Variants in PDCD1LG2 observed in about 807,000 individuals in gnomAD.
PDCD1LG2 encodes programmed cell death 1 ligand 2, also known as B7 dendritic cell molecule.
In PDCD1LG2, 32 loss-of-function variants were observed where a neutral mutation model predicts 28.2. That is an observed-to-expected ratio of 1.13 (90% confidence interval 0.86 to 1.52). PDCD1LG2 has a LOEUF of 1.52. PDCD1LG2 is among the 40% of genes most tolerant of loss of function. PDCD1LG2 has a pLI of 0.00. For missense variants in PDCD1LG2, 385 were observed against 323.8 expected (o/e 1.19, Z -1.45); for synonymous variants, 116 against 120.2 (o/e 0.97, Z 0.23).
In PDCD1LG2 at chr9:5,557,512, C is replaced by T. The variant is rs1816468857; in HGVS notation, c.632-106C>T. On this transcript the variant is annotated intron_variant, in intron 4 of 6. Coordinates refer to ENST00000397747, the MANE Select transcript of PDCD1LG2 (RefSeq NM_025239.4). Reference sequence around the variant, plus strand: ...AATAGGGCCTGGTGTGGAGTAAATGCTCCACAGAGCTAGCCGTGTTGGCTG... The same window carrying T: ...AATAGGGCCTGGTGTGGAGTAAATGTTCCACAGAGCTAGCCGTGTTGGCTG... The T allele has an allele frequency of 1.4e-5, 18 of 1,324,314 alleles. No individual in the cohort carries two copies. The East Asian group carries it at 2.3e-4, about 17-fold the overall frequency. The allele number at this position is 1,324,314 out of a possible 1,614,324, so 82.0% of individuals were successfully genotyped here.
intron 2 of PDCD1LG2, among the ~76,000 whole-genome samples, chr9:5,526,739 G>C (rs1459396030): frequency 6.6e-6 from 1 of 152,078 alleles, no homozygotes; most frequent in East Asian, 1.9e-4. Flanking sequence ...CTCTCAGCCT[G>C]CCCTTTATTT....
chr9:5,525,705 A>G (rs1250002919), intron 2 of PDCD1LG2, among the ~76,000 whole-genome samples: 1 of 152,140 alleles, frequency 6.6e-6, no homozygotes, highest in South Asian at 2.1e-4. Flanking sequence ...CCTTTTCATA[A>G]ATAAATATAT....
In PDCD1LG2 at chr9:5,570,295, A is replaced by T. The variant is rs914808002; in HGVS notation, c.*336A>T. 1.6e-4 allele frequency: 47 copies of T among 290,902 alleles called. No individual in the cohort carries two copies. Among genetic ancestry groups the T allele is most frequent in the Non-Finnish European group, 2.6e-5 (4 of 154,882 alleles). 18.0% of individuals were successfully genotyped at this position (290,902 alleles called of 1,614,324 possible). On this transcript the variant is annotated 3_prime_UTR_variant, in exon 7 of 7. Coordinates refer to ENST00000397747, the MANE Select transcript of PDCD1LG2 (RefSeq NM_025239.4). ...AAGCAAAAGGAATTATTTCCCCTCA[A>T]GTTTTCTAAGTGATTTCCAAAAGCA...
rs530727913 is a variant in PDCD1LG2, at chr9:5,540,907, C to CA, written c.361+5864dup. Among the ~76,000 whole-genome samples the CA allele has an allele frequency of 2.0e-5, 3 of 151,986 alleles. No homozygotes were observed. In the South Asian group the frequency reaches 6.2e-4, roughly 32 times the overall value. ...ATACAAAAACCAGGGAAGGACATAACAAAAAAAGAAAACTACAGGCCAGTA... is the reference window on the plus strand; with the variant it reads ...ATACAAAAACCAGGGAAGGACATAACAAAAAAAAGAAAACTACAGGCCAGTA... On this transcript the variant is annotated intron_variant, in intron 3 of 6. Coordinates refer to ENST00000397747, the MANE Select transcript of PDCD1LG2 (RefSeq NM_025239.4).
intron 3 of PDCD1LG2, among the ~76,000 whole-genome samples, chr9:5,547,964 A>C (rs955084201): frequency 2.0e-5 from 3 of 151,788 alleles, no homozygotes; most frequent in Admixed American, 2.0e-4. Context: ...AAAAGAATAA[A>C]TCAAACTAGT....
chr9:5,558,470 C>T (rs536928194), intron 5 of PDCD1LG2, among the ~76,000 whole-genome samples: 1 of 152,286 alleles, frequency 6.6e-6, no homozygotes, highest in African/African-American at 2.4e-5. Context: ...TGTATGCAGG[C>T]CTAGCTGGTG....
chr9:5,534,990 C>T lies in PDCD1LG2; in HGVS notation c.301C>T (p.Gln101Ter), dbSNP rs2129795644. ...QVQVRDEGQY[Q>*]CIIIYGVAWD... ...CCAAGTGAGGGACGAAGGACAGTAC[C>T]AATGCATAATCATCTATGGGGTCGC... The change falls in exon 3 of 7, where the codon CAA becomes TAA. Residue 101 changes from glutamine to a stop codon, truncating the protein, a stop_gained. Transcript: ENST00000397747. LOFTEE classifies it high-confidence loss of function. 1 of 1,614,082 alleles carries T rather than the reference C, an allele frequency of 6.2e-7. No homozygotes were observed. Among genetic ancestry groups the T allele is most frequent in the South Asian group, 1.1e-5 (1 of 91,058 alleles).
At chr9:5,514,597 T>G (rs1820120024) in intron 1 of PDCD1LG2, among the ~76,000 whole-genome samples, 1 of 152,020 alleles carries the variant, frequency 6.6e-6, no homozygotes, top group Non-Finnish European at 1.5e-5. Flanking sequence ...CAGAATAAGC[T>G]GGGCAAGGTA....
intron 1 of PDCD1LG2, among the ~76,000 whole-genome samples, chr9:5,513,959 T>G (rs1372277867): frequency 6.6e-6 from 1 of 152,210 alleles, no homozygotes; most frequent in African/African-American, 2.4e-5. Context: ...AGTGGTTAGT[T>G]CAGGTATTTC....
At chr9:5,535,731 C>T (rs1247172638) in intron 3 of PDCD1LG2, among the ~76,000 whole-genome samples, 1 of 152,016 alleles carries the variant, frequency 6.6e-6, no homozygotes, top group Non-Finnish European at 1.5e-5. Context: ...TAGCTGAGAT[C>T]CAGAGAAGGG....
At position 5,570,640 on chromosome 9, in the gene PDCD1LG2, G is replaced by A. The variant is rs967588018; in HGVS notation, c.*681G>A. 3.9e-5 allele frequency: 9 copies of A among 232,212 alleles called. No individual in the cohort carries two copies. Among genetic ancestry groups the A allele is most frequent in the African/African-American group, 1.8e-4 (8 of 45,374 alleles). The allele number at this position is 232,212 out of a possible 1,614,324, so 14.4% of individuals were successfully genotyped here. ...ACCTGTAATGGCACCATGTTTAATG[G>A]TGGTTTTTTTTTTGAACTACATCTT... On this transcript the variant is annotated 3_prime_UTR_variant, in exon 7 of 7. Transcript: ENST00000397747.
rs116339877 is a variant in PDCD1LG2, at chr9:5,570,887, C to G, written c.*928C>G. ...TTTGCACATCTGTAATACAGCAATGCTAAGTAGTCAAGGCCTTTGATAATT... is the reference window on the plus strand; with the variant it reads ...TTTGCACATCTGTAATACAGCAATGGTAAGTAGTCAAGGCCTTTGATAATT... On this transcript the variant is annotated 3_prime_UTR_variant, in exon 7 of 7. Transcript: ENST00000397747. 1 of 232,712 alleles carries G rather than the reference C, an allele frequency of 4.3e-6. No homozygotes were observed. The highest frequency in any genetic ancestry group is 5.6e-5 in the Admixed American group (1 of 17,768). 14.4% of individuals were successfully genotyped at this position (232,712 alleles called of 1,614,324 possible).
At chr9:5,533,019 C>A (rs1247332049) in intron 2 of PDCD1LG2, among the ~76,000 whole-genome samples, 1 of 152,166 alleles carries the variant, frequency 6.6e-6, no homozygotes, top group East Asian at 1.9e-4. Flanking sequence ...CCCAGGCTCA[C>A]CTGTCACTAT....
At chr9:5,566,384 A>G (rs1392634488) in intron 6 of PDCD1LG2, among the ~76,000 whole-genome samples, 2 of 152,166 alleles carry the variant, frequency 1.3e-5, no homozygotes, top group Non-Finnish European at 2.9e-5. Context: ...TGTGCACATG[A>G]TAGAATTGCA....
At chr9:5,536,831 C>T (rs186778487) in intron 3 of PDCD1LG2, among the ~76,000 whole-genome samples, 1 of 152,344 alleles carries the variant, frequency 6.6e-6, no homozygotes, top group East Asian at 1.9e-4. Context: ...CCTAGATCCT[C>T]ATCTTCCCCA....
At chr9:5,550,264 A>C (rs1252663088) in intron 4 of PDCD1LG2, among the ~76,000 whole-genome samples, 1 of 152,216 alleles carries the variant, frequency 6.6e-6, no homozygotes, top group Non-Finnish European at 1.5e-5. Flanking sequence ...TATTTTTGGA[A>C]GGGATCCCAT....
chr9:5,570,827 AAT>A lies in PDCD1LG2; in HGVS notation c.*871_*872del, dbSNP rs1328136911. 1 of 232,730 alleles carries A rather than the reference AAT, an allele frequency of 4.3e-6. No homozygotes were observed. Among genetic ancestry groups the A allele is most frequent in the Admixed American group, 5.6e-5 (1 of 17,776 alleles). The allele number at this position is 232,730 out of a possible 1,614,324, so 14.4% of individuals were successfully genotyped here. A position where few individuals can be genotyped will look rare whatever the true frequency, so the allele number is the denominator to read the frequency against. On this transcript the variant is annotated 3_prime_UTR_variant, in exon 7 of 7. Transcript: ENST00000397747. ...AACTAAGCCTCCTTTTCTGGCCCTC[AAT>A]ATGACTTTAAATTTGACTTTTCAGT... is the stretch of plus-strand genomic sequence containing the variant.
rs1329459382 is a variant in PDCD1LG2, at chr9:5,557,723, A to G, written c.737A>G (p.Gln246Arg). The G allele has an allele frequency of 2.5e-6, 4 of 1,613,972 alleles. No homozygotes were observed. Among genetic ancestry groups the G allele is most frequent in the Non-Finnish European group, 3.4e-6 (4 of 1,179,870 alleles). The change falls in exon 5 of 7, where the codon CAA becomes CGA. Residue 246 changes from glutamine to arginine, a missense_variant. Coordinates refer to ENST00000397747, the MANE Select transcript of PDCD1LG2 (RefSeq NM_025239.4). ...GCCACAGTGATAGCCCTAAGAAAAC[A>G]ACTCTGTCAAAAGCTGTATTCTTCA... ...FIATVIALRK[Q>R]LCQKLYSSKD...
chr9:5,549,939 C>T (rs940266146), intron 4 of PDCD1LG2, among the ~76,000 whole-genome samples: 1 of 152,188 alleles, frequency 6.6e-6, no homozygotes, highest in African/African-American at 2.4e-5. Flanking sequence ...TCTCCTCCCA[C>T]CCTCCAATCT....
Sources: allele counts gnomAD v4.1 joint callset (sites outside exome capture counted in the v4.1 genomes callset), GRCh38; gene constraint gnomAD v4.1.1; transcripts MANE v1.5; gene names NCBI Gene and HGNC (gene_info 2026-07-23, HGNC 2026-07-21).